The following DCLK1 variants were observed in gnomAD, a reference collection of about 807,000 sequenced individuals.
DCLK1 encodes the protein serine/threonine-protein kinase DCLK1.
In DCLK1, 16 loss-of-function variants were observed where a neutral mutation model predicts 86.2. The ratio of observed to expected loss-of-function variants is 0.19; its 90% confidence interval spans 0.13 to 0.28. The LOEUF (loss-of-function observed/expected upper bound fraction) is 0.28. Ranked by LOEUF, DCLK1 falls within the 10% of genes least tolerant of loss-of-function variation. The probability of loss-of-function intolerance (pLI) is 1.00; values close to 1 mark genes in which losing one functional copy is unlikely to be tolerated. For missense variants in DCLK1, 590 were observed against 940.2 expected, an observed-to-expected ratio of 0.63 and a Z score of 4.87; for synonymous variants, 369 against 370.5, an observed-to-expected ratio of 1.00 and a Z score of 0.05.
chr13:35,917,212 G>A (rs556345742), intron 4 of DCLK1, among the ~76,000 whole-genome samples: 113 of 152,296 alleles, frequency 7.4e-4, no homozygotes, highest in Middle Eastern at 6.8e-3. Context: ...CGTGTCACAC[G>A]AAGCTCATAT....
At position 35,855,433 on chromosome 13, in the gene DCLK1, A is replaced by C; in HGVS notation, c.941-840T>G. 2.1e-6 allele frequency: 3 copies of C among 1,408,394 alleles called. No individual in the cohort carries two copies. The Admixed American group carries it at 5.9e-5, about 28-fold the overall frequency. The allele number at this position is 1,408,394 out of a possible 1,614,324, so 87.2% of individuals were successfully genotyped here. A position where few individuals can be genotyped will look rare whatever the true frequency, so the allele number is the denominator to read the frequency against. On this transcript the variant is annotated intron_variant, in intron 5 of 16. Transcript: ENST00000360631. ...CCCCACAGTCAGTGAAGTAGAATTA[A>C]CCAGGAGACACATAGATTCTTGAGG...
intron 3 of DCLK1, among the ~76,000 whole-genome samples, chr13:36,064,709 TC>T (rs1883687184): frequency 6.7e-6 from 1 of 149,992 alleles, no homozygotes; most frequent in Non-Finnish European, 1.5e-5. Context: ...ATGGGTAACT[TC>T]ATCTTTACCA....
At chr13:36,130,035 G>A (rs982272491) in intron 1 of DCLK1, among the ~76,000 whole-genome samples, 3 of 152,090 alleles carry the variant, frequency 2.0e-5, no homozygotes, top group African/African-American at 7.2e-5. Context: ...TATTTTAACC[G>A]TGGGATTAGG....
intron 3 of DCLK1, among the ~76,000 whole-genome samples, chr13:35,987,159 C>T (rs1049209706): frequency 1.2e-4 from 18 of 152,074 alleles, no homozygotes; most frequent in African/African-American, 4.1e-4. Context: ...CGGTGGCTCA[C>T]GCCTGTAATC....
At chr13:35,966,367 C>G (rs1400802397) in intron 3 of DCLK1, among the ~76,000 whole-genome samples, 1 of 152,128 alleles carries the variant, frequency 6.6e-6, no homozygotes, top group African/African-American at 2.4e-5. Context: ...CATACAATAG[C>G]TAAAAAGTAG....
intron 11 of DCLK1, among the ~76,000 whole-genome samples, chr13:35,814,683 A>C (rs1463662870): frequency 1.3e-5 from 2 of 152,240 alleles, no homozygotes; most frequent in African/African-American, 2.4e-5. Flanking sequence ...CTGGTCCTTT[A>C]AGTACTATAG....
chr13:35,952,127 G>A (rs189245209), intron 3 of DCLK1, among the ~76,000 whole-genome samples: 44 of 152,162 alleles, frequency 2.9e-4, no homozygotes, highest in African/African-American at 9.6e-4. Flanking sequence ...TTTTTTATTA[G>A]CCCAAATGTA....
At chr13:35,793,518 A>G (rs756388992) in intron 15 of DCLK1, 39 bp from the exon 16 acceptor site, 8 of 1,468,494 alleles carry the variant, frequency 5.4e-6, no homozygotes, top group Non-Finnish European at 7.5e-6. Context: ...AAAAGAAAGA[A>G]AATGAGATAA....
intron 4 of DCLK1, among the ~76,000 whole-genome samples, chr13:35,939,923 C>A (rs1876986298): frequency 6.6e-6 from 1 of 152,126 alleles, no homozygotes; most frequent in African/African-American, 2.4e-5. Context: ...GAGATAAAAG[C>A]CACTAGAATA....
At chr13:35,877,783 G>A (rs1872670001) in intron 4 of DCLK1, among the ~76,000 whole-genome samples, 1 of 152,124 alleles carries the variant, frequency 6.6e-6, no homozygotes, top group African/African-American at 2.4e-5. Context: ...TTTGGCAAAG[G>A]TACAAAGCCT....
intron 3 of DCLK1, among the ~76,000 whole-genome samples, chr13:36,099,156 C>T (rs1379059078): frequency 2.0e-5 from 3 of 151,826 alleles, no homozygotes; most frequent in Admixed American, 6.6e-5. Flanking sequence ...TTAGTAGAGA[C>T]GGGGTTTCAC....
At chr13:36,037,782 C>T (rs140220099) in intron 3 of DCLK1, among the ~76,000 whole-genome samples, 2 of 152,004 alleles carry the variant, frequency 1.3e-5, no homozygotes, top group Non-Finnish European at 2.9e-5. Flanking sequence ...CCATGCCCGG[C>T]CACCCTGATG....
rs200892137 is a variant in DCLK1 at position 35,842,069 on chromosome 13, C to CA, written c.1036-2894dup. Reference sequence around the variant, plus strand: ...AAAGGAAGTTCTCCTGCTAAAAATACAAAAAAAAAATTAGCCAGGCATGGT... The same window carrying CA: ...AAAGGAAGTTCTCCTGCTAAAAATACAAAAAAAAAAATTAGCCAGGCATGGT... On this transcript the variant is annotated intron_variant, in intron 6 of 16. Coordinates refer to ENST00000360631, the MANE Select transcript of DCLK1 (RefSeq NM_001330071.2). Among the ~76,000 whole-genome samples, 167 of 145,634 alleles carry CA rather than the reference C, an allele frequency of 1.1e-3. 1 individual carries two copies. The highest frequency in any genetic ancestry group is 3.5e-3 in the African/African-American group (139 of 39,834).
chr13:35,933,675 G>A (rs944990496), intron 4 of DCLK1, among the ~76,000 whole-genome samples: 1 of 152,162 alleles, frequency 6.6e-6, no homozygotes, highest in Non-Finnish European at 1.5e-5. Context: ...GGGACACAGG[G>A]CACCAAGTCC....
chr13:35,811,296 T>C (rs1311495029), intron 11 of DCLK1, among the ~76,000 whole-genome samples: 2 of 151,972 alleles, frequency 1.3e-5, no homozygotes, highest in East Asian at 3.9e-4. Flanking sequence ...AATTTTCAGA[T>C]TGGTTTTTAT....
chr13:35,885,704 T>C (rs1203041728), intron 4 of DCLK1, among the ~76,000 whole-genome samples: 1 of 152,182 alleles, frequency 6.6e-6, no homozygotes, highest in African/African-American at 2.4e-5. Flanking sequence ...AAATTAGGCA[T>C]ACCCTAAAAC....
chr13:35,821,048 G>C (rs928103064), intron 11 of DCLK1, among the ~76,000 whole-genome samples: 16 of 152,220 alleles, frequency 1.1e-4, no homozygotes, highest in African/African-American at 3.9e-4. Flanking sequence ...AGAGCTTACT[G>C]TAGTGTAGTA....
chr13:35,908,495 C>T lies in DCLK1; in HGVS notation c.824-37155G>A, dbSNP rs554330486. Among the ~76,000 whole-genome samples the T allele has an allele frequency of 7.9e-5, 12 of 152,266 alleles. No homozygotes were observed. In the South Asian group the frequency reaches 2.1e-3, roughly 26 times the overall value. The stretch of plus-strand genomic sequence containing the variant: ...CCTTTGTTGGGGCATGATTTAGCTC[C>T]GAAAAGCTTCTCTAGTGCCAGTGAG... On this transcript the variant is annotated intron_variant, in intron 4 of 16. Coordinates refer to ENST00000360631, the MANE Select transcript of DCLK1 (RefSeq NM_001330071.2).
chr13:35,846,216 T>C (rs1007466587), intron 6 of DCLK1: 23 of 985,296 alleles, frequency 2.3e-5, no homozygotes, highest in East Asian at 1.1e-4. Context: ...GCAGAAAGTA[T>C]GTAACCTCTT....
Sources: allele counts gnomAD v4.1 joint callset (sites outside exome capture counted in the v4.1 genomes callset), GRCh38; gene constraint gnomAD v4.1.1; transcripts MANE v1.5; gene names NCBI Gene and HGNC (gene_info 2026-07-23, HGNC 2026-07-21).